DIAPH2: variants seen among roughly 807,000 people sequenced by gnomAD.
DIAPH2 encodes the protein diaphanous related formin 2.
DIAPH2 carries 35 observed loss-of-function variants against 92.7 expected under a neutral mutation model. The ratio of observed to expected loss-of-function variants is 0.38; its 90% CI spans 0.29 to 0.50. The LOEUF is 0.50. DIAPH2 is among the 20% of genes least tolerant of loss of function. The pLI is 0.94. For synonymous variants in DIAPH2, 301 were observed against 280.4 expected (o/e 1.07, Z -0.73); for missense variants, 701 against 819.5 (o/e 0.86, Z 1.77).
intron 17 of DIAPH2, among the ~76,000 whole-genome samples, chrX:97,046,647 A>G (rs1602302589): frequency 8.9e-6 from 1 of 112,232 alleles, no homozygotes; most frequent in East Asian, 2.8e-4. Context: ...CTATTTTCTA[A>G]GAATGCCATA....
intron 22 of DIAPH2, among the ~76,000 whole-genome samples, chrX:97,158,991 G>A (rs2147435798): frequency 8.9e-6 from 1 of 112,436 alleles, no homozygotes; most frequent in African/African-American, 3.2e-5. Context: ...GTATTGCTTT[G>A]AAAGGAATAT....
intron 4 of DIAPH2, among the ~76,000 whole-genome samples, chrX:96,823,464 C>A (rs1332826846): frequency 9.0e-6 from 1 of 110,674 alleles, no homozygotes; most frequent in African/African-American, 3.3e-5. Flanking sequence ...AATAGTATGA[C>A]CCCAATTTTC....
chrX:97,134,725 C>T (rs968526965), intron 21 of DIAPH2, among the ~76,000 whole-genome samples: 3 of 111,145 alleles, frequency 2.7e-5, no homozygotes, highest in Admixed American at 1.9e-4. Context: ...TTATTTCTTC[C>T]GTTGCCTGAT....
chrX:97,459,629 G>GATGT (rs2070441306), intron 26 of DIAPH2, among the ~76,000 whole-genome samples: 2 of 111,926 alleles, frequency 1.8e-5, no homozygotes, highest in African/African-American at 6.5e-5. Flanking sequence ...GGCATGATGG[G>GATGT]TTATGTATAT....
chrX:97,090,130 A>C (rs2066812558), intron 19 of DIAPH2, among the ~76,000 whole-genome samples: 2 of 111,583 alleles, frequency 1.8e-5, no homozygotes, highest in South Asian at 7.4e-4. Flanking sequence ...GGTTATATGT[A>C]TAGATAATTT....
Position 97,223,331 on chromosome X carries a change from C to T in DIAPH2, c.2720-24384C>T, listed in dbSNP as rs775383014. ...ATTTGCAGATTCACTTCTAACTCTC[C>T]CTAAATTTCAGGCCACTAGTAGTGT... is the stretch of plus-strand genomic sequence containing the variant. On this transcript the variant is annotated intron_variant, in intron 22 of 26. Coordinates refer to ENST00000324765, the MANE Select transcript of DIAPH2 (RefSeq NM_006729.5). Among the ~76,000 whole-genome samples, 24 of 111,338 alleles carry T rather than the reference C, an allele frequency of 2.2e-4. 1 individual carries two copies. In the East Asian group the frequency reaches 6.5e-3, roughly 30 times the overall value.
At chrX:96,803,233 CT>C (rs1373655946) in intron 4 of DIAPH2, among the ~76,000 whole-genome samples, 1 of 111,591 alleles carries the variant, frequency 9.0e-6, no homozygotes, top group Non-Finnish European at 1.9e-5. Flanking sequence ...ATTTACACCC[CT>C]ACCAGTAGTT....
intron 4 of DIAPH2, among the ~76,000 whole-genome samples, chrX:96,829,100 A>G (rs888380219): frequency 6.5e-4 from 73 of 112,052 alleles, no homozygotes; most frequent in African/African-American, 2.3e-3. Context: ...CACTTTGTCA[A>G]AGAAACCTTT....
At chrX:97,018,403 T>C (rs1250515429) in intron 17 of DIAPH2, among the ~76,000 whole-genome samples, 1 of 112,420 alleles carries the variant, frequency 8.9e-6, no homozygotes, top group Non-Finnish European at 1.9e-5. Flanking sequence ...GGTTCTTCAT[T>C]TTTATTTTTA....
At chrX:96,693,570 G>A (rs1471369444) in intron 1 of DIAPH2, among the ~76,000 whole-genome samples, 3 of 111,888 alleles carry the variant, frequency 2.7e-5, no homozygotes, top group Admixed American at 9.5e-5. Flanking sequence ...TGTATGGGTG[G>A]GCCCTGACCA....
intron 26 of DIAPH2, among the ~76,000 whole-genome samples, chrX:97,495,364 A>C (rs1385634998): frequency 1.8e-5 from 2 of 112,277 alleles, no homozygotes; most frequent in Non-Finnish European, 3.8e-5. Context: ...GCTATTATTT[A>C]AATGAGAAGT....
At chrX:97,107,077 G>C (rs956601120) in intron 20 of DIAPH2, among the ~76,000 whole-genome samples, 1 of 112,534 alleles carries the variant, frequency 8.9e-6, no homozygotes, top group Non-Finnish European at 1.9e-5. Flanking sequence ...TTCTGTTCTA[G>C]ACTAAAGACA....
At chrX:96,730,649 CTCTCAGAAGCTTTATATTGTGATTGTTCT>C (rs1450468547) in intron 1 of DIAPH2, among the ~76,000 whole-genome samples, 1 of 111,827 alleles carries the variant, frequency 8.9e-6, no homozygotes, top group Non-Finnish European at 1.9e-5. Flanking sequence ...CATATCAGAA[CTCTCAGAAGCTTTATATTGTGATTGTTCT>C]TTCATTCTTC....
At chrX:96,719,802 TA>T (rs1164728444) in intron 1 of DIAPH2, among the ~76,000 whole-genome samples, 2 of 112,171 alleles carry the variant, frequency 1.8e-5, no homozygotes, top group East Asian at 2.8e-4. Context: ...AGTTACCATT[TA>T]AAAAAAATTT....
At chrX:96,933,696 C>T (rs944852776) in intron 10 of DIAPH2, among the ~76,000 whole-genome samples, 5 of 106,486 alleles carry the variant, frequency 4.7e-5, no homozygotes, top group Non-Finnish European at 7.7e-5. Flanking sequence ...CTCTGCCTCC[C>T]GGGTTCAAGC....
At chrX:97,352,592 A>G (rs1264943277) in intron 24 of DIAPH2, among the ~76,000 whole-genome samples, 1 of 110,162 alleles carries the variant, frequency 9.1e-6, no homozygotes, top group Non-Finnish European at 1.9e-5. Context: ...CATACAGGCC[A>G]GGCTCAGTGG....
At position 96,957,980 on chromosome X, in the gene DIAPH2, G is replaced by T. The variant is rs1391166277; in HGVS notation, c.1767G>T (p.Gly589=). Residue 589 remains glycine, a synonymous_variant, in exon 16 of 27, where the codon GGG becomes GGT. Coordinates refer to ENST00000324765, the MANE Select transcript of DIAPH2 (RefSeq NM_006729.5). The stretch of plus-strand genomic sequence containing the variant: ...CACCTCCTTTACCTGGAATGATGGG[G>T]ATACCACCACCACCCCCACCACCAC... ...PPPPPLPGMM[G]IPPPPPPPLL... is the part of the protein sequence containing the mutation. The T allele has an allele frequency of 8.3e-7, 1 of 1,206,584 alleles. No homozygotes were observed. Among genetic ancestry groups the T allele is most frequent in the Non-Finnish European group, 1.1e-6 (1 of 893,849 alleles).
chrX:97,408,770 A>AT (rs1284377203), intron 25 of DIAPH2, among the ~76,000 whole-genome samples: 93 of 111,716 alleles, frequency 8.3e-4, no homozygotes, highest in African/African-American at 3.0e-3. Flanking sequence ...TTCTTTTGCT[A>AT]TTTTTTAGAA....
chrX:97,058,461 CT>C (rs35551569), intron 17 of DIAPH2, among the ~76,000 whole-genome samples: 26,192 of 89,181 alleles, frequency 0.29, 3,808 homozygotes, highest in South Asian at 0.46. Flanking sequence ...TTCTTCTGGT[CT>C]TTTTTTTTTT....
Sources: allele counts gnomAD v4.1 joint callset (sites outside exome capture counted in the v4.1 genomes callset), GRCh38; gene constraint gnomAD v4.1.1; transcripts MANE v1.5; gene names NCBI Gene and HGNC (gene_info 2026-07-23, HGNC 2026-07-21).